Variants in HDAC9 observed in about 807,000 individuals in gnomAD.
HDAC9 encodes the protein MEF-2 interacting transcription repressor (MITR) protein.
HDAC9 carries 41 observed loss-of-function variants against 139.4 expected under a neutral mutation model. The observed-to-expected ratio is 0.29, with a 90% CI of 0.23 to 0.38. The LOEUF is 0.38. HDAC9 is among the 10% of genes least tolerant of loss of function. The pLI, the probability that HDAC9 is intolerant of heterozygous loss-of-function variation, is 1.00. For missense variants in HDAC9, 1,147 were observed against 1,297.0 expected (o/e 0.88, Z 1.78); for synonymous variants, 517 against 476.2 (o/e 1.09, Z -1.12).
intron 2 of HDAC9, among the ~76,000 whole-genome samples, chr7:18,181,236 G>A (rs1249418253): frequency 6.6e-6 from 1 of 152,120 alleles, no homozygotes; most frequent in Non-Finnish European, 1.5e-5. Context: ...GCTTGTAATT[G>A]CTATTCATTT....
At chr7:18,527,126 G>T (rs1362329899) in intron 2 of HDAC9, among the ~76,000 whole-genome samples, 1 of 152,066 alleles carries the variant, frequency 6.6e-6, no homozygotes. Context: ...TGATCCTCAG[G>T]CCCTGTTTCT....
At chr7:18,897,809 T>C (rs1263957931) in intron 22 of HDAC9, among the ~76,000 whole-genome samples, 1 of 148,348 alleles carries the variant, frequency 6.7e-6, no homozygotes, top group Non-Finnish European at 1.5e-5. Flanking sequence ...TTTTAAAATA[T>C]GGTTACTTAA....
In HDAC9 at chr7:18,829,616, C is replaced by T; in HGVS notation, c.2466+68C>T. 2.0e-6 allele frequency: 2 copies of T among 1,015,420 alleles called. 1 individual carries two copies. Among genetic ancestry groups the T allele is most frequent in the South Asian group, 2.9e-5 (2 of 69,714 alleles). 62.9% of individuals were successfully genotyped at this position (1,015,420 alleles called of 1,614,324 possible). A position where few individuals can be genotyped will look rare whatever the true frequency, so the allele number is the denominator to read the frequency against. ...TAAAGGGGAGTGGATTTGTATTTCTCTGTTAGGTTGTCTTGCTTTTAGCAC... is the reference window on the plus strand; with the variant it reads ...TAAAGGGGAGTGGATTTGTATTTCTTTGTTAGGTTGTCTTGCTTTTAGCAC... On this transcript the variant is annotated intron_variant, in intron 19 of 25. Coordinates refer to ENST00000686413, the MANE Select transcript of HDAC9 (RefSeq NM_178425.4).
chr7:18,872,513 T>TA (rs1225154652), intron 21 of HDAC9, among the ~76,000 whole-genome samples: 1 of 152,186 alleles, frequency 6.6e-6, no homozygotes, highest in Admixed American at 6.6e-5. Context: ...TTTTGACCAC[T>TA]GATTCACGGT....
chr7:18,498,704 G>A (rs1797603488), intron 2 of HDAC9, among the ~76,000 whole-genome samples: 1 of 152,010 alleles, frequency 6.6e-6, no homozygotes, highest in Admixed American at 6.6e-5. Context: ...TCTAGCATGA[G>A]CTCCACTGCT....
rs2129211451 is a variant in HDAC9, at chr7:18,836,222, AAAAATATTTTATTATT to A, written c.2684+229_2684+244del. On this transcript the variant is annotated intron_variant, in intron 21 of 25. Transcript: ENST00000686413. Reference sequence around the variant, plus strand: ...CCCCTTCCCTCCCAAATAAGGAGGAAAAAATATTTTATTATTAAATAGTTCTCTCTGGAAAATTCTG... The same window carrying A: ...CCCCTTCCCTCCCAAATAAGGAGGAAAAATAGTTCTCTCTGGAAAATTCTG... 2.0e-5 allele frequency among the ~76,000 whole-genome samples: 3 copies of A among 152,270 alleles called. No individual in the cohort carries two copies. In the South Asian group the frequency reaches 6.2e-4, roughly 32 times the overall value.
At position 18,772,783 on chromosome 7, in the gene HDAC9, C is replaced by G. The variant is rs1790427502; in HGVS notation, c.2214+5628C>G. Among the ~76,000 whole-genome samples, 3 of 152,130 alleles carry G rather than the reference C, an allele frequency of 2.0e-5. No individual in the cohort carries two copies. The South Asian group carries it at 6.2e-4, about 32-fold the overall frequency. On this transcript the variant is annotated intron_variant, in intron 16 of 25. Coordinates refer to ENST00000686413, the MANE Select transcript of HDAC9 (RefSeq NM_178425.4). Reference sequence around the variant, plus strand: ...TGGCAAAATTAAAACTGATAAGCCACCTTAATGAAACTGAGAATTTAGTTT... The same window carrying G: ...TGGCAAAATTAAAACTGATAAGCCAGCTTAATGAAACTGAGAATTTAGTTT...
At chr7:18,842,659 C>G (rs537819817) in intron 21 of HDAC9, among the ~76,000 whole-genome samples, 19 of 152,092 alleles carry the variant, frequency 1.2e-4, no homozygotes, top group African/African-American at 4.3e-4. Context: ...TTTTCAGCTT[C>G]AAAAATAAAT....
chr7:18,092,354 T>A (rs1486130805), intron 1 of HDAC9, among the ~76,000 whole-genome samples: 2 of 151,496 alleles, frequency 1.3e-5, no homozygotes, highest in African/African-American at 2.4e-5. Context: ...CGTGCCACCA[T>A]GCTCCAGCCT....
intron 17 of HDAC9, 105 bp from the exon 18 acceptor site, chr7:18,829,056 T>TTG (rs1254653617): frequency 2.4e-5 from 19 of 803,264 alleles, no homozygotes; most frequent in Non-Finnish European, 3.4e-5. Flanking sequence ...GACTTCAGTT[T>TTG]TGTGTGTGTG....
chr7:18,886,590 C>CT (rs1800175051), intron 22 of HDAC9, among the ~76,000 whole-genome samples: 1 of 152,030 alleles, frequency 6.6e-6, no homozygotes, highest in African/African-American at 2.4e-5. Flanking sequence ...TTTTGTGCCA[C>CT]AATTGATGGC....
intron 2 of HDAC9, among the ~76,000 whole-genome samples, chr7:18,214,188 G>C (rs1040941320): frequency 6.6e-6 from 1 of 151,970 alleles, no homozygotes; most frequent in African/African-American, 2.4e-5. Context: ...TATTAATAGA[G>C]TATAATTGTT....
intron 17 of HDAC9, among the ~76,000 whole-genome samples, chr7:18,801,956 T>C (rs181047402): frequency 6.1e-4 from 93 of 152,058 alleles, no homozygotes; most frequent in African/African-American, 2.0e-3. Flanking sequence ...TTCCTCTTTT[T>C]CTTGATCAAC....
chr7:18,675,414 A>G (rs1781438048), intron 12 of HDAC9, among the ~76,000 whole-genome samples: 1 of 152,086 alleles, frequency 6.6e-6, no homozygotes. Context: ...AGGAATTCTA[A>G]ATTTTTCTGT....
chr7:18,727,469 C>A, intron 12 of HDAC9, 111 bp from the exon 13 acceptor site: 1 of 846,790 alleles, frequency 1.2e-6, no homozygotes, highest in Non-Finnish European at 1.8e-6. Context: ...TTCCTTCACA[C>A]CGTTTATTAT....
At chr7:18,281,163 G>A (rs1396641079) in intron 2 of HDAC9, among the ~76,000 whole-genome samples, 1 of 152,192 alleles carries the variant, frequency 6.6e-6, no homozygotes, top group East Asian at 1.9e-4. Context: ...ATGATACAAG[G>A]TGGAACAAAG....
intron 2 of HDAC9, among the ~76,000 whole-genome samples, chr7:18,262,310 G>C (rs977849820): frequency 1.3e-5 from 2 of 152,192 alleles, no homozygotes; most frequent in Admixed American, 1.3e-4. Context: ...CAGAGACCAT[G>C]GAGGTTAGAA....
At chr7:18,847,702 G>A (rs1312882335) in intron 21 of HDAC9, among the ~76,000 whole-genome samples, 4 of 152,206 alleles carry the variant, frequency 2.6e-5, no homozygotes, top group African/African-American at 9.7e-5. Flanking sequence ...CCCCTGAGGG[G>A]TCAGCTGTGG....
At chr7:18,549,380 A>T (rs938924048) in intron 2 of HDAC9, among the ~76,000 whole-genome samples, 1 of 152,182 alleles carries the variant, frequency 6.6e-6, no homozygotes, top group Non-Finnish European at 1.5e-5. Flanking sequence ...ATTTGAAATA[A>T]CTCAAAACAA....
Sources: gnomAD v4.1 joint callset for allele counts (sites outside exome capture counted in the v4.1 genomes callset) on GRCh38, gnomAD v4.1.1 for gene constraint, MANE v1.5 for transcripts, NCBI Gene and HGNC (gene_info 2026-07-23, HGNC 2026-07-21) for gene names.